AACS: variants seen among roughly 807,000 people sequenced by gnomAD.
AACS encodes acetoacetate-CoA ligase.
AACS carries 69 observed loss-of-function variants against 83.1 expected under a neutral mutation model. That is an observed-to-expected ratio of 0.83 (90% CI 0.68 to 1.01). The LOEUF (loss-of-function observed/expected upper bound fraction) is 1.01, where lower values mean the gene tolerates loss of function less well. AACS is among the 50% of genes least tolerant of loss of function. AACS has a pLI of 0.00. For missense variants in AACS, 866 were observed against 882.2 expected, an observed-to-expected ratio of 0.98 and a Z score of 0.23; for synonymous variants, 333 against 343.4, an observed-to-expected ratio of 0.97 and a Z score of 0.33.
Position 125,128,175 on chromosome 12 carries a change from A to C in AACS, c.1324A>C (p.Ile442Leu), listed in dbSNP as rs568923932. Residue 442 changes from isoleucine to leucine, a missense_variant, in exon 13 of 18, where the codon ATC becomes CTC. Transcript: ENST00000316519. ...LGSISGGTDI[I>L]SCFMGHNFSL... ...ATTGCTTGCAGGAGGCACCGACATCATCTCCTGCTTCATGGGCCACAATTT... is the reference window on the plus strand; with the variant it reads ...ATTGCTTGCAGGAGGCACCGACATCCTCTCCTGCTTCATGGGCCACAATTT... 1 of 1,611,000 alleles carries C rather than the reference A, an allele frequency of 6.2e-7. No individual in the cohort carries two copies. The highest frequency in any genetic ancestry group is 2.2e-5 in the East Asian group (1 of 44,786).
chr12:125,132,306 C>T (rs755597999), intron 14 of AACS, among the ~76,000 whole-genome samples: 7 of 152,272 alleles, frequency 4.6e-5, no homozygotes, highest in South Asian at 2.1e-4. Flanking sequence ...TCTGCATTTC[C>T]GGGGTCTCAG....
At position 125,107,268 on chromosome 12, in the gene AACS, G is replaced by A; in HGVS notation, c.915G>A (p.Gly305=). 1.2e-6 allele frequency: 2 copies of A among 1,613,258 alleles called. No individual in the cohort carries two copies. The highest frequency in any genetic ancestry group is 1.7e-6 in the Non-Finnish European group (2 of 1,179,800). Residue 305 remains glycine (G), a splice_region_variant and synonymous_variant, in exon 8 of 18, where the codon GGG becomes GGA. Transcript: ENST00000316519. ...CCAAGTGCATGGTGCATTCCGCTGG[G>A]GTAGGTCTCTGGGGAAGGCTCTGCA... is the stretch of plus-strand genomic sequence containing the variant. ...GAPKCMVHSA[G]GTLIQHLKEH...
rs761869895 is a variant in AACS, at chr12:125,107,167, C to T, written c.814C>T (p.Pro272Ser). ...TGCCACCGGCACCAGTGAGCAGGCCCCGCAGCTGGAGTTCGAGCAGCTGCC... is the reference window on the plus strand; with the variant it reads ...TGCCACCGGCACCAGTGAGCAGGCCTCGCAGCTGGAGTTCGAGCAGCTGCC... ...FLATGTSEQA[P>S]QLEFEQLPFS... The change falls in exon 8 of 18, where the codon CCG becomes TCG. Residue 272 changes from proline (P) to serine (S), a missense_variant. Physicochemically the swap from Pro to Ser is moderately conservative, Grantham distance 74 (BLOSUM62 -1). Transcript: ENST00000316519. The T allele has an allele frequency of 5.6e-6, 9 of 1,614,082 alleles. No homozygotes were observed. Among genetic ancestry groups the T allele is most frequent in the Non-Finnish European group, 5.9e-6 (7 of 1,180,052 alleles).
chr12:125,102,077 A>C (rs954232835), intron 5 of AACS: 2 of 146,182 alleles, frequency 1.4e-5, no homozygotes, highest in African/African-American at 2.6e-5. Flanking sequence ...TTAAAAAAAA[A>C]AACAAAAAAA....
rs778876691 is a variant in AACS at position 125,142,264 on chromosome 12, G to T, written c.*35G>T. 6 of 1,603,470 alleles carry T rather than the reference G, an allele frequency of 3.7e-6. No homozygotes were observed. Among genetic ancestry groups the T allele is most frequent in the Non-Finnish European group, 4.3e-6 (5 of 1,173,584 alleles). ...GCTGGCGTGTCACTCAGCCGCACCC[G>T]TGTGCACTGTAACTTTTGTGTGCTC... is the stretch of plus-strand genomic sequence containing the variant. On this transcript the variant is annotated 3_prime_UTR_variant, in exon 18 of 18. Transcript: ENST00000316519.
In AACS at chr12:125,076,476, T is replaced by A; in HGVS notation, c.238-15T>A. 2 of 1,613,206 alleles carry A rather than the reference T, an allele frequency of 1.2e-6. 1 individual carries two copies. Among genetic ancestry groups the A allele is most frequent in the Non-Finnish European group, 1.7e-6 (2 of 1,179,290 alleles). ...CTCATGTGTGTGCGTCTTGGTTTGT[T>A]GTCATTCTCTATAGGTTGTGGACAC... On this transcript the variant is annotated splice_polypyrimidine_tract_variant and intron_variant, in intron 2 of 17. Transcript: ENST00000316519.
Position 125,142,503 on chromosome 12 carries a change from G to T in AACS, c.*274G>T. The T allele has an allele frequency of 2.4e-6, 1 of 422,434 alleles. No individual in the cohort carries two copies. Among genetic ancestry groups the T allele is most frequent in the South Asian group, 3.6e-5 (1 of 28,024 alleles). The allele number at this position is 422,434 out of a possible 1,614,324, so 26.2% of individuals were successfully genotyped here. ...GAGTGTGTGTCTTTGCACACACAGT[G>T]CAGCGGGAACGGTGGGGCTGGCTGG... is the stretch of plus-strand genomic sequence containing the variant. On this transcript the variant is annotated 3_prime_UTR_variant, in exon 18 of 18. Coordinates refer to ENST00000316519, the MANE Select transcript of AACS (RefSeq NM_023928.5).
intron 1 of AACS, among the ~76,000 whole-genome samples, chr12:125,073,323 G>T (rs1955927982): frequency 6.6e-6 from 1 of 152,158 alleles, no homozygotes; most frequent in South Asian, 2.1e-4. Context: ...CATTATACTG[G>T]CCTTGAGAAG....
chr12:125,084,983 G>A (rs1956297593), intron 3 of AACS, among the ~76,000 whole-genome samples: 1 of 152,026 alleles, frequency 6.6e-6, no homozygotes, highest in Admixed American at 6.6e-5. Flanking sequence ...AAAGAGCAAG[G>A]ATGATAGACA....
In AACS at chr12:125,125,094, A is replaced by C. The variant is rs1233544428; in HGVS notation, c.1309+70A>C. On this transcript the variant is annotated intron_variant, in intron 12 of 17. Transcript: ENST00000316519. ...CCCATAAGTATGCACACCTCTGCCC[A>C]GTGCTTGGATTCATCCCAAGGACAC... 5 of 1,597,122 alleles carry C rather than the reference A, an allele frequency of 3.1e-6. No individual in the cohort carries two copies. The African/African-American group carries it at 5.4e-5, about 17-fold the overall frequency.
intron 9 of AACS, among the ~76,000 whole-genome samples, 181 bp downstream of exon 9, chr12:125,114,738 C>T (rs541230385): frequency 6.9e-6 from 1 of 144,468 alleles, no homozygotes; most frequent in Admixed American, 6.9e-5. Context: ...CAGCCCATGA[C>T]ACATGGTAAG....
In AACS at chr12:125,109,126, C is replaced by T. The variant is rs569073970; in HGVS notation, c.915+1858C>T. Among the ~76,000 whole-genome samples, 7 of 152,090 alleles carry T rather than the reference C, an allele frequency of 4.6e-5. No homozygotes were observed. The East Asian group carries it at 5.8e-4, about 13-fold the overall frequency. On this transcript the variant is annotated intron_variant, in intron 8 of 17. Coordinates refer to ENST00000316519, the MANE Select transcript of AACS (RefSeq NM_023928.5). ...GACATTCTGTCTTTAACATTTTCAACGTCCTTTTGTTTTGTTTTGTTTTGA... is the reference window on the plus strand; with the variant it reads ...GACATTCTGTCTTTAACATTTTCAATGTCCTTTTGTTTTGTTTTGTTTTGA...
At chr12:125,110,654 CCTT>C (rs1565943614) in intron 8 of AACS, among the ~76,000 whole-genome samples, 1 of 152,182 alleles carries the variant, frequency 6.6e-6, no homozygotes, top group East Asian at 1.9e-4. Flanking sequence ...CTTGGTCAAA[CCTT>C]CTGATCACCA....
intron 8 of AACS, among the ~76,000 whole-genome samples, chr12:125,107,617 G>A (rs1007632633): frequency 6.6e-6 from 1 of 152,186 alleles, no homozygotes; most frequent in Admixed American, 6.5e-5. Context: ...CAATAGGTGG[G>A]CCCTGCCAGT....
intron 3 of AACS, among the ~76,000 whole-genome samples, chr12:125,079,751 A>T (rs1956122730): frequency 6.6e-6 from 1 of 152,096 alleles, no homozygotes; most frequent in South Asian, 2.1e-4. Context: ...TAAAGCCTGC[A>T]GCTCAGTGGT....
intron 8 of AACS, among the ~76,000 whole-genome samples, chr12:125,110,224 T>TTTA: frequency 4.0e-5 from 6 of 149,662 alleles, no homozygotes; most frequent in Admixed American, 2.0e-4. Flanking sequence ...TGTGTGTGTG[T>TTTA]GTGTGTGTGT....
intron 5 of AACS, among the ~76,000 whole-genome samples, chr12:125,096,063 C>G (rs1215241227): frequency 2.0e-5 from 3 of 152,244 alleles, no homozygotes; most frequent in Non-Finnish European, 2.9e-5. Context: ...CTCCTGGGTT[C>G]ACACCATTCT....
At chr12:125,111,571 G>A (rs916553847) in intron 8 of AACS, among the ~76,000 whole-genome samples, 7 of 152,128 alleles carry the variant, frequency 4.6e-5, no homozygotes, top group East Asian at 1.9e-4. Flanking sequence ...CATCTTGCTC[G>A]TTCTCTAGAG....
intron 1 of AACS, among the ~76,000 whole-genome samples, chr12:125,068,566 C>T (rs1033678378): frequency 9.9e-5 from 15 of 152,274 alleles, no homozygotes; most frequent in East Asian, 3.9e-4. Flanking sequence ...CAGCATTGTC[C>T]GGAGCTGAGT....
Sources: gnomAD v4.1 joint callset for allele counts (sites outside exome capture counted in the v4.1 genomes callset) on GRCh38, gnomAD v4.1.1 for gene constraint, MANE v1.5 for transcripts, NCBI Gene and HGNC (gene_info 2026-07-23, HGNC 2026-07-21) for gene names.